Variants in CDK5RAP2 observed in about 807,000 individuals in gnomAD.
The protein encoded by CDK5RAP2 is CDK5 regulatory subunit-associated protein 2.
In CDK5RAP2, 147 loss-of-function variants were observed where a neutral mutation model predicts 232.9. The ratio of observed to expected loss-of-function variants is 0.63; its 90% CI spans 0.55 to 0.72. The LOEUF is 0.72. Among genes scored for constraint, CDK5RAP2 ranks in the 30% least tolerant of loss-of-function variants. The pLI, the probability that CDK5RAP2 is intolerant of heterozygous loss-of-function variation, is 0.00. For synonymous variants in CDK5RAP2, 833 were observed against 833.7 expected (o/e 1.00, Z 0.01); for missense variants, 2,195 against 2,231.5 (o/e 0.98, Z 0.33).
chr9:120,498,157 G>T (rs2039403414), intron 12 of CDK5RAP2, among the ~76,000 whole-genome samples: 1 of 152,172 alleles, frequency 6.6e-6, no homozygotes, highest in Non-Finnish European at 1.5e-5. Flanking sequence ...CTCACCACCT[G>T]TTTCTTTGTT....
chr9:120,456,531 C>T (rs1402181386), intron 20 of CDK5RAP2, among the ~76,000 whole-genome samples: 1 of 152,174 alleles, frequency 6.6e-6, no homozygotes, highest in African/African-American at 2.4e-5. Context: ...AGCTATAGCA[C>T]ACCAAAATGG....
chr9:120,522,598 T>G (rs762034469), intron 11 of CDK5RAP2, among the ~76,000 whole-genome samples: 2 of 152,238 alleles, frequency 1.3e-5, no homozygotes, highest in Non-Finnish European at 2.9e-5. Context: ...ATTTTTACTT[T>G]AATAGCTGGG....
At chr9:120,512,141 G>A (rs538647649) in intron 12 of CDK5RAP2, among the ~76,000 whole-genome samples, 1 of 152,278 alleles carries the variant, frequency 6.6e-6, no homozygotes, top group Admixed American at 6.5e-5. Context: ...CTGAGGCCAG[G>A]AATTCAAGAC....
intron 3 of CDK5RAP2, among the ~76,000 whole-genome samples, chr9:120,552,553 T>C (rs570910829): frequency 7.9e-4 from 120 of 152,064 alleles, no homozygotes; most frequent in African/African-American, 2.9e-3. Flanking sequence ...GGGACGTGGA[T>C]GAAGCTGGAA....
chr9:120,481,922 G>A (rs922421708), intron 14 of CDK5RAP2, among the ~76,000 whole-genome samples: 7 of 152,170 alleles, frequency 4.6e-5, no homozygotes, highest in African/African-American at 1.7e-4. Flanking sequence ...AATGATGCCC[G>A]GCTTGAGGCA....
chr9:120,439,951 T>C lies in CDK5RAP2; in HGVS notation c.3170A>G (p.Asp1057Gly). 1.9e-6 allele frequency: 3 copies of C among 1,614,000 alleles called. No individual in the cohort carries two copies. The highest frequency in any genetic ancestry group is 2.2e-5 in the South Asian group (2 of 91,086). Residue 1057 changes from aspartate to glycine, a missense_variant, in exon 24 of 38, where the codon GAT becomes GGT. Transcript: ENST00000349780. ...GCATGATGGCAAGCTGGCAAGGTCA[T>C]CAGGTGGGCAAATCTCAGAGTCTGA... ...YEIDSEICPP[D>G]DLASLPSCKE... is the part of the protein sequence containing the mutation.
chr9:120,540,054 A>G (rs1269462108), intron 5 of CDK5RAP2, among the ~76,000 whole-genome samples: 2 of 152,242 alleles, frequency 1.3e-5, no homozygotes, highest in African/African-American at 4.8e-5. Flanking sequence ...CAAGCAGCCC[A>G]TACTCCGTGT....
chr9:120,465,084 C>CA (rs953038633), intron 18 of CDK5RAP2, among the ~76,000 whole-genome samples: 12 of 151,518 alleles, frequency 7.9e-5, no homozygotes, highest in Non-Finnish European at 1.2e-4. Flanking sequence ...CTCTCTACGT[C>CA]AAAAAAAAGT....
At chr9:120,489,445 T>G (rs2038779052) in intron 13 of CDK5RAP2, among the ~76,000 whole-genome samples, 1 of 148,064 alleles carries the variant, frequency 6.8e-6, no homozygotes, top group Non-Finnish European at 1.5e-5. Flanking sequence ...TCCTCTGTTT[T>G]GCCTGTCTTT....
intron 25 of CDK5RAP2, among the ~76,000 whole-genome samples, chr9:120,435,319 G>A (rs1185369053): frequency 1.3e-5 from 2 of 152,126 alleles, no homozygotes; most frequent in African/African-American, 2.4e-5. Flanking sequence ...CAGCAGATAT[G>A]GTGATGTTGT....
chr9:120,413,427 G>A (rs1473228324), intron 28 of CDK5RAP2, among the ~76,000 whole-genome samples: 2 of 152,226 alleles, frequency 1.3e-5, no homozygotes, highest in African/African-American at 4.8e-5. Flanking sequence ...TTCACAGCAG[G>A]GGGAGGCGGA....
In CDK5RAP2 at chr9:120,407,370, G is replaced by A. The variant is rs1335971150; in HGVS notation, c.4727-122C>T. 5 of 765,428 alleles carry A rather than the reference G, an allele frequency of 6.5e-6. No individual in the cohort carries two copies. The African/African-American group carries it at 6.8e-5, about 10-fold the overall frequency. The allele number at this position is 765,428 out of a possible 1,614,324, so 47.4% of individuals were successfully genotyped here. ...CGCCCTCCCCCTTCCTAAGAACTAG[G>A]TACAGTTTAAAATAACAACTTGACT... On this transcript the variant is annotated intron_variant, in intron 31 of 37. Transcript: ENST00000349780.
chr9:120,464,750 C>T (rs191467718), intron 18 of CDK5RAP2, among the ~76,000 whole-genome samples: 26 of 152,158 alleles, frequency 1.7e-4, no homozygotes, highest in Non-Finnish European at 3.1e-4. Context: ...GTCCCATCTC[C>T]GCCACTAGCA....
At chr9:120,440,327 C>T (rs1362454801) in intron 23 of CDK5RAP2, 2 of 317,680 alleles carry the variant, frequency 6.3e-6, no homozygotes, top group African/African-American at 4.3e-5. Flanking sequence ...GGCAACCTTT[C>T]CAGGAATATC....
chr9:120,549,676 T>C (rs190118263), intron 4 of CDK5RAP2, among the ~76,000 whole-genome samples: 62 of 152,322 alleles, frequency 4.1e-4, no homozygotes, highest in African/African-American at 1.2e-3. Flanking sequence ...CAGTGCCTGA[T>C]AGAGTTGGCA....
chr9:120,471,924 A>G (rs1369084951), intron 15 of CDK5RAP2, 46 bp from the exon 16 acceptor site: 1 of 1,612,572 alleles, frequency 6.2e-7, no homozygotes, highest in African/African-American at 1.3e-5. Flanking sequence ...ACCTATTTGT[A>G]CTTTTAGATG....
At chr9:120,510,984 C>A (rs1331646714) in intron 12 of CDK5RAP2, among the ~76,000 whole-genome samples, 2 of 152,220 alleles carry the variant, frequency 1.3e-5, no homozygotes, top group Admixed American at 6.5e-5. Context: ...AATTACAACA[C>A]ATGCTGAGTC....
intron 28 of CDK5RAP2, among the ~76,000 whole-genome samples, 170 bp from the exon 29 acceptor site, chr9:120,411,644 G>A (rs1028456605): frequency 6.6e-6 from 1 of 152,210 alleles, no homozygotes; most frequent in African/African-American, 2.4e-5. Flanking sequence ...GAGTAAGCTT[G>A]AAAGAGGGGG....
intron 14 of CDK5RAP2, 108 bp from the exon 15 acceptor site, chr9:120,477,558 G>T: frequency 1.2e-6 from 1 of 866,132 alleles, no homozygotes; most frequent in Non-Finnish European, 1.9e-6. Flanking sequence ...ATCAAACGAA[G>T]GTGAGAGAGG....
Sources: gnomAD v4.1 joint callset for allele counts (sites outside exome capture counted in the v4.1 genomes callset) on GRCh38, gnomAD v4.1.1 for gene constraint, MANE v1.5 for transcripts, NCBI Gene and HGNC (gene_info 2026-07-23, HGNC 2026-07-21) for gene names.